BICDL1: variants seen among roughly 807,000 people sequenced by gnomAD.
BICDL1 encodes the protein BICD family like cargo adaptor 1.
BICDL1 carries 20 observed loss-of-function variants against 76.8 expected under a neutral mutation model. The ratio of observed to expected loss-of-function variants is 0.26; its 90% CI spans 0.18 to 0.38. The LOEUF (loss-of-function observed/expected upper bound fraction) is 0.38. BICDL1 is among the 10% of genes least tolerant of loss of function. The probability of loss-of-function intolerance (pLI) is 1.00; values close to 1 mark genes in which losing one functional copy is unlikely to be tolerated. For synonymous variants in BICDL1, 383 were observed against 337.1 expected (o/e 1.14, Z -1.49); for missense variants, 700 against 798.6 (o/e 0.88, Z 1.49).
intron 2 of BICDL1, among the ~76,000 whole-genome samples, chr12:120,032,297 G>A (rs1319964458): frequency 6.6e-6 from 1 of 152,206 alleles, no homozygotes; most frequent in Non-Finnish European, 1.5e-5. Flanking sequence ...GAAACAAGGA[G>A]CAGCTAGCTA....
intron 2 of BICDL1, among the ~76,000 whole-genome samples, chr12:120,049,535 G>A (rs57194876): frequency 0.026 from 3,956 of 152,118 alleles, 174 homozygotes; most frequent in African/African-American, 0.09. Flanking sequence ...TTAGTCTGGC[G>A]CTCTGCAGTT....
At chr12:120,056,524 G>T (rs1349951633) in intron 2 of BICDL1, among the ~76,000 whole-genome samples, 1 of 152,162 alleles carries the variant, frequency 6.6e-6, no homozygotes, top group Non-Finnish European at 1.5e-5. Flanking sequence ...TTCGAGACCA[G>T]CCTGACCAAC....
chr12:119,993,294 A>G (rs977724166), intron 1 of BICDL1: 1 of 152,106 alleles, frequency 6.6e-6, no homozygotes, highest in African/African-American at 2.4e-5. Flanking sequence ...CAAACAAGGC[A>G]TTTTCAAGAT....
chr12:120,051,455 T>C (rs74826716), intron 2 of BICDL1, among the ~76,000 whole-genome samples: 8,481 of 152,306 alleles, frequency 0.056, 469 homozygotes, highest in African/African-American at 0.14. Context: ...TTTCTACCAG[T>C]ACTTCCTAAT....
At chr12:120,025,282 C>T (rs1157914333) in intron 2 of BICDL1, among the ~76,000 whole-genome samples, 2 of 151,714 alleles carry the variant, frequency 1.3e-5, no homozygotes, top group South Asian at 2.1e-4. Flanking sequence ...GATCTCCTGA[C>T]CTCGTGATCC....
intron 8 of BICDL1, among the ~76,000 whole-genome samples, chr12:120,082,186 A>G (rs1273401566): frequency 6.6e-6 from 1 of 152,102 alleles, no homozygotes; most frequent in East Asian, 1.9e-4. Context: ...GATTTGCTGC[A>G]TTCTGGGTTT....
intron 2 of BICDL1, among the ~76,000 whole-genome samples, chr12:120,058,692 G>C (rs1953036447): frequency 6.6e-6 from 1 of 150,776 alleles, no homozygotes; most frequent in South Asian, 2.1e-4. Flanking sequence ...CTGGGTTTAA[G>C]CGATTCTCCT....
At chr12:120,045,934 T>TA (rs1338241503) in intron 2 of BICDL1, among the ~76,000 whole-genome samples, 3 of 141,694 alleles carry the variant, frequency 2.1e-5, no homozygotes, top group Admixed American at 6.8e-5. Flanking sequence ...ATAATAATAA[T>TA]AAAAAGAAAG....
chr12:120,028,038 T>C (rs951869396), intron 2 of BICDL1, among the ~76,000 whole-genome samples: 1 of 152,226 alleles, frequency 6.6e-6, no homozygotes, highest in African/African-American at 2.4e-5. Context: ...CATACTGTTA[T>C]GCTGTTAATG....
chr12:120,026,773 T>A (rs932135773), intron 2 of BICDL1, among the ~76,000 whole-genome samples: 3 of 152,200 alleles, frequency 2.0e-5, no homozygotes, highest in Non-Finnish European at 2.9e-5. Context: ...GTCAGCCATC[T>A]TTTTTGCTCT....
chr12:120,015,689 T>C (rs1320351313), intron 2 of BICDL1, among the ~76,000 whole-genome samples: 2 of 152,196 alleles, frequency 1.3e-5, no homozygotes, highest in East Asian at 3.8e-4. Flanking sequence ...ATATGTTACT[T>C]AGTTCTGTGG....
At position 120,093,961 on chromosome 12, in the gene BICDL1, A is replaced by G; in HGVS notation, c.*800A>G. On this transcript the variant is annotated 3_prime_UTR_variant, in exon 10 of 10. Transcript: ENST00000548673. ...GTTGGACGGGGTCTCCTCCTCCCAC[A>G]GCTCCCTCCTCCACCCCTCACATAC... 1 of 326,734 alleles carries G rather than the reference A, an allele frequency of 3.1e-6. No homozygotes were observed. Among genetic ancestry groups the G allele is most frequent in the South Asian group, 2.4e-5 (1 of 41,008 alleles). 20.2% of individuals were successfully genotyped at this position (326,734 alleles called of 1,614,324 possible).
At chr12:119,991,610 C>G (rs146179426) in intron 1 of BICDL1, among the ~76,000 whole-genome samples, 2 of 151,942 alleles carry the variant, frequency 1.3e-5, no homozygotes, top group African/African-American at 2.4e-5. Context: ...AAATAAAAAG[C>G]CTTCCTTTTT....
At chr12:120,027,156 G>A (rs1484262768) in intron 2 of BICDL1, among the ~76,000 whole-genome samples, 4 of 149,112 alleles carry the variant, frequency 2.7e-5, no homozygotes, top group Non-Finnish European at 4.4e-5. Context: ...TCAGCCTCCC[G>A]AGTAGCTGGG....
intron 8 of BICDL1, among the ~76,000 whole-genome samples, chr12:120,083,424 A>G (rs115684978): frequency 0.014 from 2,173 of 151,840 alleles, 56 homozygotes; most frequent in African/African-American, 0.05. Flanking sequence ...ACACCTGGCT[A>G]GTTTTTGCTT....
At chr12:120,092,062 C>A (rs1486200078) in intron 9 of BICDL1, 2 of 985,344 alleles carry the variant, frequency 2.0e-6, no homozygotes, top group Non-Finnish European at 2.4e-6. Context: ...ACACATGTTA[C>A]ATTTACTGAT....
At chr12:120,045,494 C>T (rs923035543) in intron 2 of BICDL1, among the ~76,000 whole-genome samples, 5 of 152,112 alleles carry the variant, frequency 3.3e-5, no homozygotes, top group African/African-American at 1.2e-4. Context: ...GCATTATTCA[C>T]AAGAGCGAAG....
rs777343030 is a variant in BICDL1 at position 119,998,611 on chromosome 12, G to A, written c.520G>A (p.Val174Met). ...CCGAGTGTCAGAGCTGGAGAGTGAT[G>A]TGAAGCAGCTACAGGATGAGTTGGA... Reference protein sequence around the residue: ...EGRVSELESDVKQLQDELERQ... With the variant: ...EGRVSELESDMKQLQDELERQ... Residue 174 changes from valine to methionine, a missense_variant, in exon 2 of 10, where the codon GTG becomes ATG. By Grantham distance (21) the Val-to-Met change is conservative. Around this residue, in one of 3 missense-constraint regions of BICDL1, gnomAD observed 20 missense variants for 50.3 expected, o/e 0.40. Transcript: ENST00000548673. 6.2e-7 allele frequency: 1 copy of A among 1,614,122 alleles called. No homozygotes were observed. The highest frequency in any genetic ancestry group is 8.5e-7 in the Non-Finnish European group (1 of 1,180,012).
chr12:120,056,862 G>A (rs1952985542), intron 2 of BICDL1, among the ~76,000 whole-genome samples: 1 of 152,248 alleles, frequency 6.6e-6, no homozygotes, highest in African/African-American at 2.4e-5. Context: ...CTGCTGGGCA[G>A]TGAGTGAGCA....
Sources: gnomAD v4.1 joint callset for allele counts (sites outside exome capture counted in the v4.1 genomes callset) on GRCh38, gnomAD v4.1.1 for gene constraint, gnomAD v4.1.1 regional missense constraint, MANE v1.5 for transcripts, NCBI Gene and HGNC (gene_info 2026-07-23, HGNC 2026-07-21) for gene names.